DPP4: variants seen among roughly 807,000 people sequenced by gnomAD.
DPP4 encodes the protein ADCP-2.
DPP4 carries 93 observed loss-of-function variants against 122.4 expected under a neutral mutation model. The ratio of observed to expected loss-of-function variants is 0.76; its 90% CI spans 0.64 to 0.90. The LOEUF is 0.90. Ranked by LOEUF, DPP4 falls within the 40% of genes least tolerant of loss-of-function variation. The pLI is 0.00. For synonymous variants in DPP4, 321 were observed against 302.9 expected (o/e 1.06, Z -0.62); for missense variants, 914 against 907.3 (o/e 1.01, Z -0.09).
At chr2:162,068,266 C>T (rs1271459560) in intron 2 of DPP4, among the ~76,000 whole-genome samples, 1 of 152,134 alleles carries the variant, frequency 6.6e-6, no homozygotes. Flanking sequence ...TATAATATCG[C>T]TATGCAAATG....
Position 162,037,575 on chromosome 2 carries a change from T to C in DPP4, c.613+727A>G, listed in dbSNP as rs185274130. ...AATAATACGATGAAATACAGATAAG[T>C]CTTTCTAATAAGTATGAGGAAACCT... is the stretch of plus-strand genomic sequence containing the variant. On this transcript the variant is annotated intron_variant, in intron 8 of 25. Transcript: ENST00000360534. Among the ~76,000 whole-genome samples, 24 of 152,286 alleles carry C rather than the reference T, an allele frequency of 1.6e-4. No homozygotes were observed. In the East Asian group the frequency reaches 4.6e-3, roughly 29 times the overall value.
In DPP4 at chr2:162,018,238, C is replaced by T. The variant is rs1040904399; in HGVS notation, c.1420+491G>A. Among the ~76,000 whole-genome samples, 7 of 152,302 alleles carry T rather than the reference C, an allele frequency of 4.6e-5. No homozygotes were observed. The East Asian group carries it at 1.2e-3, about 25-fold the overall frequency. Reference sequence around the variant, plus strand: ...CACTGTTTAAAAGGGATGGCTCGGGCGGCAGAGGCCTGTTTTGAATCCTGT... The same window carrying T: ...CACTGTTTAAAAGGGATGGCTCGGGTGGCAGAGGCCTGTTTTGAATCCTGT... On this transcript the variant is annotated intron_variant, in intron 16 of 25. Transcript: ENST00000360534.
rs564414153 is a variant in DPP4, at chr2:162,073,568, G to A, written c.7-82C>T. The A allele has an allele frequency of 7.6e-5, 108 of 1,425,626 alleles. No individual in the cohort carries two copies. The East Asian group carries it at 2.2e-3, about 30-fold the overall frequency. 88.3% of individuals were successfully genotyped at this position (1,425,626 alleles called of 1,614,324 possible). On this transcript the variant is annotated intron_variant, in intron 1 of 25. Transcript: ENST00000360534. ...TAGGAGGGTCGGGGCTGCTCCAGAG[G>A]CAGCAGGATTTGCAGGTGGGAGTGC... is the stretch of plus-strand genomic sequence containing the variant.
intron 22 of DPP4, 77 bp downstream of exon 22, chr2:162,008,485 C>T (rs1701339350): frequency 8.0e-7 from 1 of 1,255,166 alleles, no homozygotes; most frequent in Admixed American, 1.7e-5. Context: ...CACTGAAACT[C>T]AGAAAGGAAT....
chr2:162,007,331 C>T (rs1701306813), intron 22 of DPP4, among the ~76,000 whole-genome samples: 1 of 152,016 alleles, frequency 6.6e-6, no homozygotes, highest in South Asian at 2.1e-4. Context: ...TGTCATAGAA[C>T]ACAATACTCC....
At chr2:162,041,200 G>A (rs1683973459) in intron 5 of DPP4, among the ~76,000 whole-genome samples, 1 of 152,058 alleles carries the variant, frequency 6.6e-6, no homozygotes, top group Admixed American at 6.6e-5. Flanking sequence ...TTGCATTTAT[G>A]AAATATTATG....
At chr2:162,043,167 G>A (rs1684047985) in intron 5 of DPP4, among the ~76,000 whole-genome samples, 1 of 152,200 alleles carries the variant, frequency 6.6e-6, no homozygotes, top group Non-Finnish European at 1.5e-5. Flanking sequence ...GTAGGCCACA[G>A]ATATCCGTGT....
intron 2 of DPP4, among the ~76,000 whole-genome samples, chr2:162,071,119 G>T (rs947557222): frequency 1.3e-5 from 2 of 152,162 alleles, no homozygotes; most frequent in Non-Finnish European, 2.9e-5. Flanking sequence ...ATGGCCAACA[G>T]TTCAGGCATG....
chr2:162,066,133 A>T (rs1684938658), intron 2 of DPP4, among the ~76,000 whole-genome samples: 1 of 152,150 alleles, frequency 6.6e-6, no homozygotes, highest in African/African-American at 2.4e-5. Flanking sequence ...GAGGCAAGAG[A>T]AATTCTTTAC....
intron 2 of DPP4, among the ~76,000 whole-genome samples, chr2:162,048,814 G>A (rs1266493234): frequency 1.3e-5 from 2 of 152,176 alleles, no homozygotes; most frequent in Non-Finnish European, 2.9e-5. Flanking sequence ...CCCATGTGGT[G>A]TCCTCAGTTA....
chr2:162,062,152 C>T (rs1311142445), intron 2 of DPP4, among the ~76,000 whole-genome samples: 1 of 151,060 alleles, frequency 6.6e-6, no homozygotes, highest in Non-Finnish European at 1.5e-5. Context: ...CGTGGTGGTG[C>T]ACACCTATAG....
intron 10 of DPP4, among the ~76,000 whole-genome samples, chr2:162,026,959 T>A (rs1683352164): frequency 6.6e-6 from 1 of 152,234 alleles, no homozygotes; most frequent in Non-Finnish European, 1.5e-5. Context: ...TACTCCACTC[T>A]GCCTTTGTAG....
intron 14 of DPP4, among the ~76,000 whole-genome samples, chr2:162,019,722 C>T (rs865785623): frequency 1.3e-5 from 2 of 151,962 alleles, no homozygotes; most frequent in Non-Finnish European, 2.9e-5. Context: ...CTACTTCGGG[C>T]GGCGGCAAAA....
intron 2 of DPP4, among the ~76,000 whole-genome samples, chr2:162,052,116 C>T (rs1383852207): frequency 1.3e-5 from 2 of 151,800 alleles, no homozygotes; most frequent in African/African-American, 2.4e-5. Context: ...GTTGGGAGTT[C>T]GAGACCAGAC....
At chr2:162,023,463 C>T (rs1683210738) in intron 11 of DPP4, among the ~76,000 whole-genome samples, 1 of 152,178 alleles carries the variant, frequency 6.6e-6, no homozygotes, top group African/African-American at 2.4e-5. Context: ...AGCCTCATTG[C>T]TCCCCACTAC....
At chr2:162,064,377 A>T (rs1684885066) in intron 2 of DPP4, among the ~76,000 whole-genome samples, 1 of 152,188 alleles carries the variant, frequency 6.6e-6, no homozygotes. Context: ...TTTAAAACAA[A>T]GATTTGAGTC....
At chr2:162,018,974 T>G in intron 15 of DPP4, 124 bp from the exon 16 acceptor site, 1 of 1,268,290 alleles carries the variant, frequency 7.9e-7, no homozygotes, top group South Asian at 1.5e-5. Flanking sequence ...GGACTTTTTT[T>G]TTTTTAGCAT....
chr2:162,055,524 C>T (rs866009768), intron 2 of DPP4, among the ~76,000 whole-genome samples: 28 of 152,104 alleles, frequency 1.8e-4, no homozygotes, highest in Middle Eastern at 3.4e-3. Flanking sequence ...TGGTGAAACC[C>T]CATCTCTACT....
At position 162,002,514 on chromosome 2, in the gene DPP4, A is replaced by G. The variant is rs148317728; in HGVS notation, c.2052+3231T>C. ...GTCATTCCTAATCCTCAGTGTACTG[A>G]AAAGAGTCACTGATCCAGACTAAAC... On this transcript the variant is annotated intron_variant, in intron 23 of 25. Coordinates refer to ENST00000360534, the MANE Select transcript of DPP4 (RefSeq NM_001935.4). Among the ~76,000 whole-genome samples the G allele has an allele frequency of 7.6e-3, 1,156 of 152,314 alleles. 7 individuals are homozygous for G. Among genetic ancestry groups the G allele is most frequent in the Middle Eastern group, 0.014 (4 of 294 alleles).
Sources: gnomAD v4.1 joint callset for allele counts (sites outside exome capture counted in the v4.1 genomes callset) on GRCh38, gnomAD v4.1.1 for gene constraint, MANE v1.5 for transcripts, NCBI Gene and HGNC (gene_info 2026-07-23, HGNC 2026-07-21) for gene names.